The following C19orf44 variants were observed in gnomAD, a reference collection of about 807,000 sequenced individuals.
C19orf44 encodes uncharacterized protein C19orf44.
C19orf44 carries 43 observed loss-of-function variants against 50.7 expected under a neutral mutation model. The observed-to-expected ratio is 0.85, with a 90% CI of 0.66 to 1.09. The LOEUF is 1.09. C19orf44 is among the 50% of genes least tolerant of loss of function. C19orf44 has a pLI of 0.00. For synonymous variants in C19orf44, 298 were observed against 334.7 expected (o/e 0.89, Z 1.20); for missense variants, 722 against 836.2 (o/e 0.86, Z 1.68).
At chr19:16,506,124 C>G (rs1469533987) in intron 3 of C19orf44, among the ~76,000 whole-genome samples, 1 of 151,894 alleles carries the variant, frequency 6.6e-6, no homozygotes, top group South Asian at 2.1e-4. Flanking sequence ...TACAGGCACC[C>G]GCCACCACGC....
At chr19:16,518,269 C>T (rs2085565650) in intron 8 of C19orf44, 1 of 151,936 alleles carries the variant, frequency 6.6e-6, no homozygotes, top group Non-Finnish European at 1.5e-5. Context: ...GGTCGGGCTC[C>T]ATGCTCTGGA....
chr19:16,517,342 G>A lies in C19orf44; in HGVS notation c.*40+1G>A. On this transcript the variant is annotated splice_donor_variant, in intron 8 of 8. Coordinates refer to ENST00000221671, the MANE Select transcript of C19orf44 (RefSeq NM_032207.4). LOFTEE classifies it low-confidence loss of function (3UTR_SPLICE). ...GCTTGACGTGACGTCTTAACAAAAG[G>A]TATCCCGTCCTGTGTACTCAGTGCA... The A allele has an allele frequency of 6.3e-7, 1 of 1,582,088 alleles. No individual in the cohort carries two copies. The highest frequency in any genetic ancestry group is 1.7e-4 in the Middle Eastern group (1 of 6,020).
At chr19:16,501,673 A>C (rs1215108969) in intron 2 of C19orf44, 122 bp downstream of exon 2, 1 of 646,716 alleles carries the variant, frequency 1.5e-6, no homozygotes, top group South Asian at 5.2e-5. Context: ...GCTCACCGCA[A>C]CCTCCACTCC....
intron 7 of C19orf44, among the ~76,000 whole-genome samples, chr19:16,516,880 C>T (rs888643747): frequency 2.0e-5 from 3 of 152,220 alleles, no homozygotes; most frequent in Admixed American, 2.0e-4. Flanking sequence ...CGTCCATCAG[C>T]CCATCCGATG....
At chr19:16,513,999 T>G (rs982071119) in intron 6 of C19orf44, among the ~76,000 whole-genome samples, 3 of 151,980 alleles carry the variant, frequency 2.0e-5, no homozygotes, top group Non-Finnish European at 4.4e-5. Context: ...TTTAATTTTT[T>G]TTTTTTGAGA....
At chr19:16,513,749 C>T (rs1405505656) in intron 6 of C19orf44, among the ~76,000 whole-genome samples, 3 of 152,128 alleles carry the variant, frequency 2.0e-5, no homozygotes, top group African/African-American at 7.2e-5. Context: ...AGTTTATTTC[C>T]CCTGAAGACA....
At position 16,513,076 on chromosome 19, in the gene C19orf44, G is replaced by C. The variant is rs762513557; in HGVS notation, c.1702G>C (p.Ala568Pro). 1 of 1,613,874 alleles carries C rather than the reference G, an allele frequency of 6.2e-7. No individual in the cohort carries two copies. Among genetic ancestry groups the C allele is most frequent in the East Asian group, 2.2e-5 (1 of 44,872 alleles). Residue 568 changes from alanine to proline, a missense_variant, in exon 6 of 9, where the codon GCC becomes CCC. Transcript: ENST00000221671. Reference protein sequence around the residue: ...GGAYVDPTPIANHVISADAIE... With the variant: ...GGAYVDPTPIPNHVISADAIE... ...CGCCTACGTGGACCCGACACCCATC[G>C]CCAATCATGTTATCAGTGCAGATGC...
In C19orf44 at chr19:16,513,031, A is replaced by G; in HGVS notation, c.1657A>G (p.Met553Val). The part of the protein sequence containing the change: ...EWTKVASMAA[M>V]GPALGGAYVD... ...CGAGATAGTGGCCAGCATGGCAGCC[A>G]TGGGGCCTGCCCTGGGAGGCGCCTA... The change falls in exon 6 of 9, where the codon ATG becomes GTG. Residue 553 changes from methionine (M) to valine (V), a missense_variant. Coordinates refer to ENST00000221671, the MANE Select transcript of C19orf44 (RefSeq NM_032207.4). The G allele has an allele frequency of 6.2e-7, 1 of 1,613,244 alleles. No individual in the cohort carries two copies. The highest frequency in any genetic ancestry group is 8.5e-7 in the Non-Finnish European group (1 of 1,179,940).
intron 1 of C19orf44, among the ~76,000 whole-genome samples, chr19:16,499,869 AACCTCC>A (rs2093420145): frequency 1.3e-5 from 2 of 148,240 alleles, no homozygotes; most frequent in South Asian, 4.3e-4. Context: ...GGCTCACTGC[AACCTCC>A]ACCTCCCGGG....
chr19:16,502,666 C>T (rs1599729628), intron 2 of C19orf44, among the ~76,000 whole-genome samples: 1 of 152,018 alleles, frequency 6.6e-6, no homozygotes, highest in Admixed American at 6.6e-5. Flanking sequence ...TCATGCTCCC[C>T]GCTAATTGCA....
Position 16,520,621 on chromosome 19 carries a change from G to A in C19orf44, c.*568G>A. On this transcript the variant is annotated 3_prime_UTR_variant, in exon 9 of 9. Transcript: ENST00000221671. The surrounding 1 kb of genome is among the most constrained non-coding windows in gnomAD (Gnocchi z 4.0). ...TGCAGGGGCTCTGGCTGTGGATGTG[G>A]CGCCATAGCCACAGCAACGGTACCA... 3.8e-6 allele frequency: 5 copies of A among 1,302,860 alleles called. No individual in the cohort carries two copies. The highest frequency in any genetic ancestry group is 5.4e-6 in the Non-Finnish European group (5 of 931,112). 80.7% of individuals were successfully genotyped at this position (1,302,860 alleles called of 1,614,324 possible).
chr19:16,509,180 G>T (rs948276543), intron 4 of C19orf44, among the ~76,000 whole-genome samples: 10 of 151,894 alleles, frequency 6.6e-5, no homozygotes, highest in Non-Finnish European at 1.5e-4. Context: ...GCCCAGGCAG[G>T]TCTTGAACTC....
rs552450410 is a variant in C19orf44 at position 16,503,241 on chromosome 19, G to A, written c.936G>A (p.Pro312=). 1.3e-4 allele frequency: 204 copies of A among 1,614,056 alleles called. No homozygotes were observed. Among genetic ancestry groups the A allele is most frequent in the Admixed American group, 3.8e-4 (23 of 59,980 alleles). The change falls in exon 3 of 9, where the codon CCG becomes CCA. Residue 312 remains proline, a synonymous_variant. Transcript: ENST00000221671. ...HVSSDTASHT[P]SVSITGAFSN... ...CCAGTGACACCGCCTCCCACACGCC[G>A]TCAGTTTCCATCACAGGCGCCTTTT...
chr19:16,500,580 T>C (rs1035242257), intron 1 of C19orf44, among the ~76,000 whole-genome samples: 1 of 152,062 alleles, frequency 6.6e-6, no homozygotes, highest in African/African-American at 2.4e-5. Flanking sequence ...CTTGACATCG[T>C]GATCCACCTG....
chr19:16,517,382 A>T (rs1174655256), intron 8 of C19orf44, 41 bp downstream of exon 8: 3 of 1,385,698 alleles, frequency 2.2e-6, no homozygotes, highest in Non-Finnish European at 3.0e-6. Flanking sequence ...CACGCACACA[A>T]ACATAGAGCT....
chr19:16,520,400 C>G lies in C19orf44; in HGVS notation c.*347C>G. On this transcript the variant is annotated 3_prime_UTR_variant, in exon 9 of 9. Transcript: ENST00000221671. The surrounding 1 kb of genome is among the most constrained non-coding windows in gnomAD (Gnocchi z 4.0). Reference sequence around the variant, plus strand: ...GCGGGAGTAGGAACGGGAGCAGGAGCGCGACCTTGACCTTGAGTACGAGCC... The same window carrying G: ...GCGGGAGTAGGAACGGGAGCAGGAGGGCGACCTTGACCTTGAGTACGAGCC... The G allele has an allele frequency of 6.2e-7, 1 of 1,614,024 alleles. No homozygotes were observed. The highest frequency in any genetic ancestry group is 8.5e-7 in the Non-Finnish European group (1 of 1,179,988).
chr19:16,512,215 C>T (rs2093459478), intron 5 of C19orf44, among the ~76,000 whole-genome samples: 1 of 152,000 alleles, frequency 6.6e-6, no homozygotes, highest in Non-Finnish European at 1.5e-5. Flanking sequence ...AACCTGGGAT[C>T]TGGGCTCAGA....
intron 5 of C19orf44, among the ~76,000 whole-genome samples, chr19:16,511,908 G>A (rs531617086): frequency 4.9e-4 from 75 of 151,684 alleles, no homozygotes; most frequent in African/African-American, 1.7e-3. Flanking sequence ...CTAGCTACTC[G>A]GGAGGCCGAG....
In C19orf44 at chr19:16,510,123, T is replaced by G. The variant is rs748430532; in HGVS notation, c.1639+135T>G. On this transcript the variant is annotated intron_variant, in intron 5 of 8. Coordinates refer to ENST00000221671, the MANE Select transcript of C19orf44 (RefSeq NM_032207.4). ...TCTTGTTATTAATCACCTGGAGGGG[T>G]TGGCCAAGCAAGGTGGCTCACGCCT... 61 of 1,408,188 alleles carry G rather than the reference T, an allele frequency of 4.3e-5. No homozygotes were observed. In the Admixed American group the frequency reaches 1.2e-3, roughly 28 times the overall value. 87.2% of individuals were successfully genotyped at this position (1,408,188 alleles called of 1,614,324 possible).
Sources: allele counts gnomAD v4.1 joint callset (sites outside exome capture counted in the v4.1 genomes callset), GRCh38; gene constraint gnomAD v4.1.1; non-coding constraint Gnocchi (gnomAD v3.1); transcripts MANE v1.5; gene names NCBI Gene and HGNC (gene_info 2026-07-23, HGNC 2026-07-21).